The following SNX13 variants were observed in gnomAD, a reference collection of about 807,000 sequenced individuals.
SNX13 encodes the protein sorting nexin-13.
SNX13 carries 45 observed loss-of-function variants against 133.6 expected under a neutral mutation model. The ratio of observed to expected loss-of-function variants is 0.34; its 90% CI spans 0.27 to 0.43. The LOEUF is 0.43. Ranked by LOEUF, SNX13 falls within the 20% of genes least tolerant of loss-of-function variation. The pLI is 1.00. For synonymous variants in SNX13, 414 were observed against 373.9 expected, an observed-to-expected ratio of 1.11 and a Z score of -1.24; for missense variants, 1,032 against 1,145.1, an observed-to-expected ratio of 0.90 and a Z score of 1.43.
chr7:17,810,919 T>A (rs908890918), intron 20 of SNX13, among the ~76,000 whole-genome samples: 5 of 152,134 alleles, frequency 3.3e-5, no homozygotes, highest in African/African-American at 9.7e-5. Context: ...ATTATCTCAA[T>A]AGATGCAGAA....
rs542196447 is a variant in SNX13 at position 17,876,109 on chromosome 7, T to C, written c.441-319A>G. 2.6e-5 allele frequency among the ~76,000 whole-genome samples: 4 copies of C among 152,382 alleles called. No individual in the cohort carries two copies. In the East Asian group the frequency reaches 7.7e-4, roughly 29 times the overall value. ...GTGAATCTGACAACAGTATATCATGTAATTTCTCAGCCCCAACATAAGAAT... is the reference window on the plus strand; with the variant it reads ...GTGAATCTGACAACAGTATATCATGCAATTTCTCAGCCCCAACATAAGAAT... On this transcript the variant is annotated intron_variant, in intron 5 of 25. Coordinates refer to ENST00000428135, the MANE Select transcript of SNX13 (RefSeq NM_015132.5).
chr7:17,940,407 C>A lies in SNX13; in HGVS notation c.-112G>T. The A allele has an allele frequency of 7.8e-7, 1 of 1,276,978 alleles. No individual in the cohort carries two copies. The highest frequency in any genetic ancestry group is 1.1e-6 in the Non-Finnish European group (1 of 902,218). 79.1% of individuals were successfully genotyped at this position (1,276,978 alleles called of 1,614,324 possible). On this transcript the variant is annotated 5_prime_UTR_variant, in exon 1 of 26. Transcript: ENST00000428135. ...CAACGGCGGCAACTGCTCCTTCAGT[C>A]TTCTCCCGGGCGGCGGTTTTACTCG...
intron 1 of SNX13, among the ~76,000 whole-genome samples, chr7:17,924,339 T>C (rs1447028507): frequency 6.6e-6 from 1 of 152,122 alleles, no homozygotes; most frequent in African/African-American, 2.4e-5. Flanking sequence ...TAGACATTTC[T>C]CCAAAGAAGA....
chr7:17,809,939 C>T (rs1196392741), intron 20 of SNX13, among the ~76,000 whole-genome samples: 2 of 152,094 alleles, frequency 1.3e-5, no homozygotes, highest in African/African-American at 4.8e-5. Flanking sequence ...AAAGATGCAA[C>T]ATACCAGAAT....
intron 8 of SNX13, among the ~76,000 whole-genome samples, chr7:17,870,385 C>T (rs1793948943): frequency 6.6e-6 from 1 of 151,704 alleles, no homozygotes; most frequent in African/African-American, 2.4e-5. Flanking sequence ...GAATTACTGA[C>T]AAAAGAAAAC....
intron 1 of SNX13, among the ~76,000 whole-genome samples, chr7:17,924,506 A>G (rs1165911565): frequency 6.6e-6 from 1 of 152,064 alleles, no homozygotes; most frequent in Admixed American, 6.5e-5. Context: ...ACCTTCCTAC[A>G]CTCCTGGTAG....
At chr7:17,830,883 A>G in intron 15 of SNX13, 1 of 984,394 alleles carries the variant, frequency 1.0e-6, no homozygotes. Context: ...CAAAAAAGCA[A>G]CACTACTATT....
chr7:17,939,882 G>A (rs1802600568), intron 1 of SNX13, among the ~76,000 whole-genome samples: 1 of 152,186 alleles, frequency 6.6e-6, no homozygotes, highest in Admixed American at 6.5e-5. Context: ...GGGCCCTGGA[G>A]CCCAGGGACC....
At chr7:17,830,540 T>C in intron 15 of SNX13, 1 of 984,120 alleles carries the variant, frequency 1.0e-6, no homozygotes, top group Non-Finnish European at 1.2e-6. Flanking sequence ...GGTGGTAGAT[T>C]ATCTTGAAAA....
chr7:17,883,793 G>A (rs534341794), intron 5 of SNX13, among the ~76,000 whole-genome samples: 34 of 151,796 alleles, frequency 2.2e-4, no homozygotes, highest in African/African-American at 7.7e-4. Flanking sequence ...ATCTCATCAC[G>A]CCACTCATGG....
chr7:17,856,803 A>G (rs1354192051), intron 9 of SNX13, among the ~76,000 whole-genome samples: 1 of 144,144 alleles, frequency 6.9e-6, no homozygotes, highest in Non-Finnish European at 1.5e-5. Context: ...AAAAAAAAAA[A>G]GAAAGAAAGA....
Position 17,834,469 on chromosome 7 carries a change from A to C in SNX13, c.1465-285T>G, listed in dbSNP as rs572228070. The stretch of plus-strand genomic sequence containing the variant: ...AAGGTTCAAGGCTCATGTTAAAATG[A>C]ATTTGAAAGACATGTTATTTATATG... On this transcript the variant is annotated intron_variant, in intron 14 of 25. Coordinates refer to ENST00000428135, the MANE Select transcript of SNX13 (RefSeq NM_015132.5). Among the ~76,000 whole-genome samples, 3 of 152,012 alleles carry C rather than the reference A, an allele frequency of 2.0e-5. No individual in the cohort carries two copies. The East Asian group carries it at 5.8e-4, about 29-fold the overall frequency.
At chr7:17,817,838 T>A (rs941906043) in intron 18 of SNX13, among the ~76,000 whole-genome samples, 1 of 152,182 alleles carries the variant, frequency 6.6e-6, no homozygotes, top group African/African-American at 2.4e-5. Context: ...ACTGACTCAA[T>A]TTTAGAAAAC....
chr7:17,869,910 C>A (rs1287896527), intron 8 of SNX13, among the ~76,000 whole-genome samples: 1 of 151,516 alleles, frequency 6.6e-6, no homozygotes, highest in African/African-American at 2.4e-5. Flanking sequence ...ACACTTTTTC[C>A]AATGCTTCTT....
intron 12 of SNX13, among the ~76,000 whole-genome samples, chr7:17,841,367 G>T (rs1789851837): frequency 6.6e-6 from 1 of 151,956 alleles, no homozygotes; most frequent in African/African-American, 2.4e-5. Flanking sequence ...CATGCCCAGG[G>T]AAAAGCACAA....
rs1796846016 is a variant in SNX13, at chr7:17,893,392, C to T, written c.168G>A (p.Glu56=). 6.4e-7 allele frequency: 1 copy of T among 1,573,920 alleles called. No individual in the cohort carries two copies. Among genetic ancestry groups the T allele is most frequent in the Non-Finnish European group, 8.6e-7 (1 of 1,158,026 alleles). ...VTLLFGKTNS[E]KYLEQCEHSF... ...AGTGTTCACACTGTTCTAGGTACTTCTCTGAGTTTGTTTTTCCAAACAGGA... is the reference window on the plus strand; with the variant it reads ...AGTGTTCACACTGTTCTAGGTACTTTTCTGAGTTTGTTTTTCCAAACAGGA... The change falls in exon 3 of 26, where the codon GAG becomes GAA. Residue 56 remains glutamate, a synonymous_variant. Transcript: ENST00000428135.
At chr7:17,839,385 C>T (rs1789591728) in intron 13 of SNX13, among the ~76,000 whole-genome samples, 1 of 151,734 alleles carries the variant, frequency 6.6e-6, no homozygotes. Flanking sequence ...AATTGTCTCT[C>T]TTACCCTTCA....
chr7:17,809,986 T>A (rs1323999179), intron 20 of SNX13, among the ~76,000 whole-genome samples: 1 of 152,014 alleles, frequency 6.6e-6, no homozygotes, highest in East Asian at 1.9e-4. Flanking sequence ...AGAGGAAAAT[T>A]TATAGCAGTA....
intron 22 of SNX13, among the ~76,000 whole-genome samples, chr7:17,800,713 T>C (rs962622812): frequency 1.3e-5 from 2 of 151,596 alleles, no homozygotes; most frequent in Non-Finnish European, 3.0e-5. Context: ...AGAACTAAGA[T>C]AGCTAAGAAC....
Sources: gnomAD v4.1 joint callset for allele counts (sites outside exome capture counted in the v4.1 genomes callset) on GRCh38, gnomAD v4.1.1 for gene constraint, MANE v1.5 for transcripts, NCBI Gene and HGNC (gene_info 2026-07-23, HGNC 2026-07-21) for gene names.